The following TC2N variants were observed in gnomAD, a reference collection of about 807,000 sequenced individuals.
TC2N encodes the protein tandem C2 domains, nuclear.
A neutral mutation model predicts 61.9 loss-of-function variants in TC2N; 51 were observed. That is an observed-to-expected ratio of 0.82 (90% CI 0.66 to 1.04). The LOEUF is 1.04. Among genes scored for constraint, TC2N ranks in the 50% least tolerant of loss-of-function variants. TC2N has a pLI of 0.00. For missense variants in TC2N, 556 were observed against 566.7 expected, an observed-to-expected ratio of 0.98 and a Z score of 0.19; for synonymous variants, 204 against 192.6, an observed-to-expected ratio of 1.06 and a Z score of -0.49.
chr14:91,859,583 C>T (rs1286252549), intron 1 of TC2N, among the ~76,000 whole-genome samples: 1 of 152,192 alleles, frequency 6.6e-6, no homozygotes, highest in Non-Finnish European at 1.5e-5. Context: ...ATGAACAACA[C>T]ACAAATAGTA....
chr14:91,796,009 C>A (rs908725784), intron 8 of TC2N, among the ~76,000 whole-genome samples: 1 of 151,920 alleles, frequency 6.6e-6, no homozygotes, highest in Admixed American at 6.6e-5. Context: ...GTCTCCCAAA[C>A]AAATTTATAT....
rs958009417 is a variant in TC2N, at chr14:91,780,023, T to C, written c.*3077A>G. On this transcript the variant is annotated 3_prime_UTR_variant, in exon 12 of 12. Transcript: ENST00000435962. Reference sequence around the variant, plus strand: ...TATGGGCCCACTTTTCATAATTCTTTCAACTCAATGTTTTAGCCAAAACTG... The same window carrying C: ...TATGGGCCCACTTTTCATAATTCTTCCAACTCAATGTTTTAGCCAAAACTG... 1 of 152,188 alleles carries C rather than the reference T, an allele frequency of 6.6e-6. No homozygotes were observed. The highest frequency in any genetic ancestry group is 1.9e-4 in the East Asian group (1 of 5,198). The allele number at this position is 152,188 out of a possible 1,614,324, so 9.4% of individuals were successfully genotyped here.
chr14:91,802,673 T>A (rs951448432), intron 3 of TC2N, among the ~76,000 whole-genome samples: 1 of 152,022 alleles, frequency 6.6e-6, no homozygotes, highest in African/African-American at 2.4e-5. Flanking sequence ...CATAGACAAT[T>A]CTGTATTGTG....
chr14:91,810,756 T>C (rs534344983), intron 3 of TC2N, among the ~76,000 whole-genome samples: 6 of 148,606 alleles, frequency 4.0e-5, no homozygotes, highest in Admixed American at 6.7e-5. Flanking sequence ...ATGTCTAAAA[T>C]AAAAAATTCA....
chr14:91,780,935 A>C lies in TC2N; in HGVS notation c.*2165T>G, dbSNP rs141875281. ...CATTTAGGATCTTAGTTGTATCAATACTTCTGTACCTGAAAGCTCTTTTAA... is the reference window on the plus strand; with the variant it reads ...CATTTAGGATCTTAGTTGTATCAATCCTTCTGTACCTGAAAGCTCTTTTAA... On this transcript the variant is annotated 3_prime_UTR_variant, in exon 12 of 12. Coordinates refer to ENST00000435962, the MANE Select transcript of TC2N (RefSeq NM_001128596.3). 4 of 152,228 alleles carry C rather than the reference A, an allele frequency of 2.6e-5. No homozygotes were observed. The East Asian group carries it at 7.7e-4, about 29-fold the overall frequency. 9.4% of individuals were successfully genotyped at this position (152,228 alleles called of 1,614,324 possible).
At chr14:91,834,452 T>C (rs535978078) in intron 1 of TC2N, among the ~76,000 whole-genome samples, 1 of 152,296 alleles carries the variant, frequency 6.6e-6, no homozygotes, top group Admixed American at 6.5e-5. Flanking sequence ...ATCATCCTTA[T>C]TTCTCTTTTT....
chr14:91,814,405 T>C (rs758680486), intron 1 of TC2N, among the ~76,000 whole-genome samples: 3 of 145,236 alleles, frequency 2.1e-5, no homozygotes, highest in Non-Finnish European at 4.5e-5. Flanking sequence ...GAGTGGAGAC[T>C]AGACAGCAGG....
At position 91,780,165 on chromosome 14, in the gene TC2N, G is replaced by A. The variant is rs1257504487; in HGVS notation, c.*2935C>T. The A allele has an allele frequency of 1.3e-5, 2 of 152,070 alleles. No homozygotes were observed. Among genetic ancestry groups the A allele is most frequent in the African/African-American group, 4.8e-5 (2 of 41,404 alleles). 9.4% of individuals were successfully genotyped at this position (152,070 alleles called of 1,614,324 possible). A position where few individuals can be genotyped will look rare whatever the true frequency, so the allele number is the denominator to read the frequency against. Reference sequence around the variant, plus strand: ...TCCTCATTACACCCAACCAAACACAGAAAGAAATATATATTTTTGAAATGT... The same window carrying A: ...TCCTCATTACACCCAACCAAACACAAAAAGAAATATATATTTTTGAAATGT... On this transcript the variant is annotated 3_prime_UTR_variant, in exon 12 of 12. Transcript: ENST00000435962.
At chr14:91,801,557 G>A (rs1672244041) in intron 4 of TC2N, among the ~76,000 whole-genome samples, 1 of 152,160 alleles carries the variant, frequency 6.6e-6, no homozygotes, top group Non-Finnish European at 1.5e-5. Flanking sequence ...CTGCGGTGGG[G>A]CAGGGGTGAT....
At chr14:91,822,326 C>A (rs999342315) in intron 1 of TC2N, among the ~76,000 whole-genome samples, 1 of 152,090 alleles carries the variant, frequency 6.6e-6, no homozygotes, top group Non-Finnish European at 1.5e-5. Flanking sequence ...AAGAAGTAAG[C>A]TGGTTAAACA....
At position 91,825,279 on chromosome 14, in the gene TC2N, G is replaced by A. The variant is rs531085679; in HGVS notation, c.-56-11454C>T. Reference sequence around the variant, plus strand: ...GAACTCCTAACCTCGTGATCCACCCGCGTCGGCCTCCCAAAGTGCTGGGAT... The same window carrying A: ...GAACTCCTAACCTCGTGATCCACCCACGTCGGCCTCCCAAAGTGCTGGGAT... On this transcript the variant is annotated intron_variant, in intron 1 of 11. Coordinates refer to ENST00000435962, the MANE Select transcript of TC2N (RefSeq NM_001128596.3). Among the ~76,000 whole-genome samples, 32 of 151,958 alleles carry A rather than the reference G, an allele frequency of 2.1e-4. 1 individual carries two copies. The highest frequency in any genetic ancestry group is 1.8e-3 in the Admixed American group (27 of 15,280).
chr14:91,793,343 T>C (rs571305447), intron 8 of TC2N, among the ~76,000 whole-genome samples: 161 of 152,342 alleles, frequency 1.1e-3, no homozygotes, highest in African/African-American at 3.8e-3. Context: ...CTTTTATTCC[T>C]TTTGAAAAGG....
At chr14:91,788,160 C>A (rs1885457967) in intron 9 of TC2N, among the ~76,000 whole-genome samples, 1 of 151,750 alleles carries the variant, frequency 6.6e-6, no homozygotes, top group African/African-American at 2.4e-5. Context: ...AGAAAGCTGG[C>A]AAGAAGGAAG....
intron 1 of TC2N, among the ~76,000 whole-genome samples, chr14:91,831,924 C>G (rs8023141): frequency 0.031 from 4,769 of 152,070 alleles, 93 homozygotes; most frequent in African/African-American, 0.056. Context: ...AACCATAAAA[C>G]AAAAAGTTGA....
At chr14:91,860,307 G>A (rs1330430407) in intron 1 of TC2N, among the ~76,000 whole-genome samples, 1 of 149,134 alleles carries the variant, frequency 6.7e-6, no homozygotes, top group African/African-American at 2.5e-5. Flanking sequence ...GGGGGGCTGG[G>A]GAAGGGGGGA....
chr14:91,784,624 G>T (rs1885273876), intron 11 of TC2N, among the ~76,000 whole-genome samples: 1 of 152,078 alleles, frequency 6.6e-6, no homozygotes, highest in South Asian at 2.1e-4. Flanking sequence ...TAGAGGACTG[G>T]CAAGTTAACA....
At chr14:91,810,484 A>C (rs1393619046) in intron 3 of TC2N, among the ~76,000 whole-genome samples, 1 of 152,194 alleles carries the variant, frequency 6.6e-6, no homozygotes, top group South Asian at 2.1e-4. Context: ...ATAACATTCA[A>C]TATTTTTGAT....
intron 3 of TC2N, among the ~76,000 whole-genome samples, chr14:91,807,063 C>T (rs575091165): frequency 4.5e-4 from 69 of 152,330 alleles, no homozygotes; most frequent in African/African-American, 1.6e-3. Flanking sequence ...GTCTTGGCAG[C>T]TTCCACATGG....
intron 1 of TC2N, among the ~76,000 whole-genome samples, chr14:91,851,321 G>A (rs530715622): frequency 2.6e-5 from 4 of 152,138 alleles, no homozygotes; most frequent in Non-Finnish European, 5.9e-5. Context: ...CGTTGGTCTT[G>A]GGCTGAATGA....
Sources: allele counts gnomAD v4.1 joint callset (sites outside exome capture counted in the v4.1 genomes callset), GRCh38; gene constraint gnomAD v4.1.1; transcripts MANE v1.5; gene names NCBI Gene and HGNC (gene_info 2026-07-23, HGNC 2026-07-21).